The following GRK6 variants were observed in gnomAD, a reference collection of about 807,000 sequenced individuals.
The protein encoded by GRK6 is G protein-coupled receptor kinase 6.
GRK6 carries 37 observed loss-of-function variants against 80.8 expected under a neutral mutation model. The ratio of observed to expected loss-of-function variants is 0.46; its 90% CI spans 0.35 to 0.60. The LOEUF (loss-of-function observed/expected upper bound fraction) is 0.60. Among genes scored for constraint, GRK6 ranks in the 20% least tolerant of loss-of-function variants. GRK6 has a pLI of 0.00. For synonymous variants in GRK6, 295 were observed against 320.9 expected (o/e 0.92, Z 0.86); for missense variants, 560 against 784.6 (o/e 0.71, Z 3.42).
At position 177,430,864 on chromosome 5, in the gene GRK6, T is replaced by G. The variant is rs1471761906; in HGVS notation, c.53-8T>G. 1.2e-6 allele frequency: 2 copies of G among 1,613,552 alleles called. No individual in the cohort carries two copies. The highest frequency in any genetic ancestry group is 1.7e-6 in the Non-Finnish European group (2 of 1,179,740). On this transcript the variant is annotated splice_polypyrimidine_tract_variant and splice_region_variant and intron_variant, in intron 1 of 15. Coordinates refer to ENST00000355472, the MANE Select transcript of GRK6 (RefSeq NM_001004106.3). ...GACTCGAGACCCAGTGTCCTATTGC[T>G]CCCACAGGTGGCGGTGGAAATCGCA... is the stretch of plus-strand genomic sequence containing the variant.
chr5:177,430,935 T>C lies in GRK6; in HGVS notation c.116T>C (p.Ile39Thr), dbSNP rs1056305094. The C allele has an allele frequency of 6.2e-7, 1 of 1,613,740 alleles. No homozygotes were observed. The highest frequency in any genetic ancestry group is 1.3e-5 in the African/African-American group (1 of 74,940). ...KWRQMLQFPH[I>T]SQCEELRLSL... ...CGGCAGATGCTCCAGTTCCCTCACA[T>C]CAGCCAGTGCGAAGAGCTGCGGCTC... Residue 39 changes from isoleucine to threonine, a missense_variant, in exon 2 of 16, where the codon ATC (isoleucine) becomes ACC (threonine). This residue lies in a region of GRK6 where 189 missense variants were observed against 230.2 expected (regional missense o/e 0.82). Coordinates refer to ENST00000355472, the MANE Select transcript of GRK6 (RefSeq NM_001004106.3).
Position 177,441,003 on chromosome 5 carries a change from C to A in GRK6, c.1627C>A (p.Pro543Thr), listed in dbSNP as rs1393855840. The A allele has an allele frequency of 6.2e-7, 1 of 1,613,886 alleles. No individual in the cohort carries two copies. The highest frequency in any genetic ancestry group is 2.2e-5 in the East Asian group (1 of 44,896). The change falls in exon 15 of 16, where the codon CCA (proline) becomes ACA (threonine). Residue 543 changes from proline to threonine, a missense_variant. This residue lies in a region of GRK6 where 294 missense variants were observed against 397.4 expected (regional missense o/e 0.74). Coordinates refer to ENST00000355472, the MANE Select transcript of GRK6 (RefSeq NM_001004106.3). ...CCCAGACCTGGACTGGAAGGGCCAGCCACCTGCACCTCCTAAAAAGGGACT... is the reference window on the plus strand; with the variant it reads ...CCCAGACCTGGACTGGAAGGGCCAGACACCTGCACCTCCTAAAAAGGGACT... ...VPPDLDWKGQPPAPPKKGLLQ... is the reference protein window; with the variant it reads ...VPPDLDWKGQTPAPPKKGLLQ...
chr5:177,435,357 T>C (rs1006609287), intron 11 of GRK6, among the ~76,000 whole-genome samples: 8 of 152,242 alleles, frequency 5.3e-5, no homozygotes, highest in Non-Finnish European at 1.2e-4. Flanking sequence ...TGGCTGAGCC[T>C]GCAGGTGGCT....
rs1763923958 is a variant in GRK6 at position 177,432,081 on chromosome 5, C to CGTT, written c.236_237insTTG (p.Cys80dup). ...CTGTGCCACGAGGCCGGAGCTGAGC[C>CGTT]GCTGCGTCGCCTTCCTGGATGGGGT... On this transcript the variant is annotated inframe_insertion, in exon 3 of 16. Transcript: ENST00000355472. 1 of 1,611,576 alleles carries CGTT rather than the reference C, an allele frequency of 6.2e-7. No homozygotes were observed. The highest frequency in any genetic ancestry group is 1.3e-5 in the African/African-American group (1 of 74,918).
At chr5:177,435,175 C>G in intron 11 of GRK6, 54 bp downstream of exon 11, 1 of 1,250,548 alleles carries the variant, frequency 8.0e-7, no homozygotes, top group South Asian at 1.4e-5. Context: ...ACTATCCACC[C>G]ACCCAGCCAC....
At chr5:177,433,715 A>T (rs745558279) in intron 8 of GRK6, 39 bp downstream of exon 8, 17 of 1,607,490 alleles carry the variant, frequency 1.1e-5, no homozygotes, top group African/African-American at 2.7e-5. Flanking sequence ...CCTTGGCCAC[A>T]CTGGCGCACC....
chr5:177,441,376 T>C, intron 15 of GRK6: 1 of 1,159,472 alleles, frequency 8.6e-7, no homozygotes, highest in Non-Finnish European at 1.2e-6. Context: ...CCCTGCCCAC[T>C]GCTTTGATCC....
Position 177,440,744 on chromosome 5 carries a change from C to G in GRK6, c.1449C>G (p.Phe483Leu). 6.2e-7 allele frequency: 1 copy of G among 1,614,200 alleles called. No homozygotes were observed. The highest frequency in any genetic ancestry group is 8.5e-7 in the Non-Finnish European group (1 of 1,180,028). ...AGGATGTTCTGGACATTGAACAGTT[C>G]TCTACGGTCAAGGGCGTGGAGCTGG... is the stretch of plus-strand genomic sequence containing the variant. ...YCKDVLDIEQ[F>L]STVKGVELEP... is the part of the protein sequence containing the mutation. Residue 483 changes from phenylalanine (F) to leucine (L), a missense_variant, in exon 14 of 16, where the codon TTC becomes TTG. Phe to Leu is a conservative substitution (Grantham distance 22, BLOSUM62 0). Coordinates refer to ENST00000355472, the MANE Select transcript of GRK6 (RefSeq NM_001004106.3).
At chr5:177,440,872 GGAGGCTGCCCTGGGGACAGCTGTCA>G (rs1561661966) in intron 14 of GRK6, 22 bp from the exon 15 acceptor site, 1 of 1,613,726 alleles carries the variant, frequency 6.2e-7, no homozygotes, top group Admixed American at 1.7e-5. Flanking sequence ...GTGGGCTCCA[GGAGGCTGCCCTGGGGACAGCTGTCA>G]CAGCCGCCTG....
At position 177,429,880 on chromosome 5, in the gene GRK6, C is replaced by T. The variant is rs1326257438; in HGVS notation, c.53-992C>T. Among the ~76,000 whole-genome samples the T allele has an allele frequency of 1.3e-5, 2 of 152,180 alleles. No individual in the cohort carries two copies. The highest frequency in any genetic ancestry group is 2.9e-5 in the Non-Finnish European group (2 of 68,030). On this transcript the variant is annotated intron_variant, in intron 1 of 15. Coordinates refer to ENST00000355472, the MANE Select transcript of GRK6 (RefSeq NM_001004106.3). The surrounding 1 kb of genome is among the most constrained non-coding windows in gnomAD (Gnocchi z 4.3). ...TGGAGAAGCTGAGGTTCACAGATAG[C>T]GAGTGATGGGCCACAGTGTGAATCA...
At chr5:177,425,783 T>C (rs1763624210), upstream of GRK6, among the ~76,000 whole-genome samples, 1 of 152,182 alleles carries the variant, frequency 6.6e-6, no homozygotes, top group Non-Finnish European at 1.5e-5. Context: ...CTGCGTGAAG[T>C]AGGGGGTGGA....
intron 11 of GRK6, 69 bp downstream of exon 11, chr5:177,435,190 A>C (rs1390204955): frequency 8.6e-7 from 1 of 1,162,746 alleles, no homozygotes; most frequent in Non-Finnish European, 1.2e-6. Context: ...AGCCACACCC[A>C]CTTCTGTCTG....
Position 177,430,803 on chromosome 5 carries a change from C to T in GRK6, c.53-69C>T, listed in dbSNP as rs911116223. Reference sequence around the variant, plus strand: ...TGGCTGGGCCCTAGAGGCCGTGGACCGCACTGAGGACCCAGAGGCAGTTCT... The same window carrying T: ...TGGCTGGGCCCTAGAGGCCGTGGACTGCACTGAGGACCCAGAGGCAGTTCT... On this transcript the variant is annotated intron_variant, in intron 1 of 15. Coordinates refer to ENST00000355472, the MANE Select transcript of GRK6 (RefSeq NM_001004106.3). The T allele has an allele frequency of 3.4e-5, 47 of 1,381,408 alleles. No individual in the cohort carries two copies. The African/African-American group carries it at 5.3e-4, about 15-fold the overall frequency. 85.6% of individuals were successfully genotyped at this position (1,381,408 alleles called of 1,614,324 possible).
In GRK6 at chr5:177,442,069, G is replaced by A; in HGVS notation, c.*279G>A. ...TTTGTACGAATGTATATAGCGACCA[G>A]AGCATTCTTAATTCCCGCCGCAGAC... is the stretch of plus-strand genomic sequence containing the variant. On this transcript the variant is annotated 3_prime_UTR_variant, in exon 16 of 16. Transcript: ENST00000355472. The A allele has an allele frequency of 2.3e-6, 1 of 438,472 alleles. No individual in the cohort carries two copies. Among genetic ancestry groups the A allele is most frequent in the Non-Finnish European group, 4.0e-6 (1 of 248,072 alleles). 27.2% of individuals were successfully genotyped at this position (438,472 alleles called of 1,614,324 possible).
In GRK6 at chr5:177,434,078, C is replaced by A; in HGVS notation, c.903C>A (p.Asp301Glu). The A allele has an allele frequency of 6.3e-7, 1 of 1,598,490 alleles. No homozygotes were observed. Among genetic ancestry groups the A allele is most frequent in the Non-Finnish European group, 8.5e-7 (1 of 1,173,190 alleles). ...YAAEICCGLE[D>E]LHRERIVYRD... is the part of the protein sequence containing the mutation. Reference sequence around the variant, plus strand: ...CCGAGATCTGCTGTGGCCTGGAGGACCTGCACCGGGAGCGCATCGTGTACA... The same window carrying A: ...CCGAGATCTGCTGTGGCCTGGAGGAACTGCACCGGGAGCGCATCGTGTACA... Residue 301 changes from aspartate to glutamate, a missense_variant, in exon 9 of 16, where the codon GAC becomes GAA. Physicochemically the swap from Asp to Glu is conservative, Grantham distance 45. Coordinates refer to ENST00000355472, the MANE Select transcript of GRK6 (RefSeq NM_001004106.3).
chr5:177,438,000 T>G (rs533331064), intron 13 of GRK6, among the ~76,000 whole-genome samples: 2 of 152,344 alleles, frequency 1.3e-5, no homozygotes, highest in East Asian at 3.9e-4. Flanking sequence ...TGCCCTTACA[T>G]TCTAGTGGGA....
At chr5:177,435,666 C>T (rs1256841306) in intron 11 of GRK6, among the ~76,000 whole-genome samples, 1 of 152,254 alleles carries the variant, frequency 6.6e-6, no homozygotes, top group Non-Finnish European at 1.5e-5. Context: ...TCAGGGAAAA[C>T]TCCCCACAGG....
In GRK6 at chr5:177,429,182, C is replaced by T. The variant is rs1240687435; in HGVS notation, c.53-1690C>T. 6.6e-6 allele frequency among the ~76,000 whole-genome samples: 1 copy of T among 152,098 alleles called. No homozygotes were observed. Among genetic ancestry groups the T allele is most frequent in the African/African-American group, 2.4e-5 (1 of 41,406 alleles). On this transcript the variant is annotated intron_variant, in intron 1 of 15. Coordinates refer to ENST00000355472, the MANE Select transcript of GRK6 (RefSeq NM_001004106.3). The surrounding 1 kb of genome is among the most constrained non-coding windows in gnomAD (Gnocchi z 4.3). ...AATTGGGCCTGCTCTGGCAGAGTTG[C>T]TGTGAGGATGGAGTGGGACAACGCT...
chr5:177,435,388 G>A (rs997425517), intron 11 of GRK6, among the ~76,000 whole-genome samples: 7 of 152,248 alleles, frequency 4.6e-5, no homozygotes, highest in African/African-American at 1.7e-4. Flanking sequence ...GGAGGAGAGA[G>A]ACCCAAACCT....
Sources: gnomAD v4.1 joint callset for allele counts (sites outside exome capture counted in the v4.1 genomes callset) on GRCh38, gnomAD v4.1.1 for gene constraint, gnomAD v4.1.1 regional missense constraint, Gnocchi (gnomAD v3.1) non-coding constraint, MANE v1.5 for transcripts, NCBI Gene and HGNC (gene_info 2026-07-23, HGNC 2026-07-21) for gene names.